SULT1B1: variants seen among roughly 807,000 people sequenced by gnomAD.
The protein encoded by SULT1B1 is sulfotransferase family 1B member 1.
In SULT1B1, 28 loss-of-function variants were observed where a neutral mutation model predicts 34.6. The observed-to-expected ratio is 0.81, with a 90% CI of 0.60 to 1.11. The LOEUF is 1.11. SULT1B1 is among the 50% of genes least tolerant of loss of function. SULT1B1 has a pLI of 0.00. For missense variants in SULT1B1, 374 were observed against 352.2 expected, an observed-to-expected ratio of 1.06 and a Z score of -0.50; for synonymous variants, 147 against 110.2, an observed-to-expected ratio of 1.33 and a Z score of -2.09.
At position 69,754,709 on chromosome 4, in the gene SULT1B1, G is replaced by A; in HGVS notation, c.238C>T (p.Pro80Ser). The A allele has an allele frequency of 6.2e-7, 1 of 1,613,148 alleles. No homozygotes were observed. The highest frequency in any genetic ancestry group is 8.5e-7 in the Non-Finnish European group (1 of 1,179,508). Residue 80 changes from proline (P) to serine (S), a missense_variant, in exon 3 of 8, where the codon CCA (proline) becomes TCA (serine). Physicochemically the swap from Pro to Ser is moderately conservative, Grantham distance 74. Transcript: ENST00000310613. ...CKRGFITEKV[P>S]MLEMTLPGLR... Reference sequence around the variant, plus strand: ...CCAGGGAGAGTCATTTCCAACATTGGAACTTTTTCAGTAATAAAACCTCGC... The same window carrying A: ...CCAGGGAGAGTCATTTCCAACATTGAAACTTTTTCAGTAATAAAACCTCGC...
chr4:69,726,916 T>A lies in SULT1B1; in HGVS notation c.*172A>T. The A allele has an allele frequency of 2.1e-6, 1 of 477,504 alleles. No homozygotes were observed. Among genetic ancestry groups the A allele is most frequent in the Non-Finnish European group, 3.6e-6 (1 of 280,180 alleles). 29.6% of individuals were successfully genotyped at this position (477,504 alleles called of 1,614,324 possible). A position where few individuals can be genotyped will look rare whatever the true frequency, so the allele number is the denominator to read the frequency against. Reference sequence around the variant, plus strand: ...CCTTAGAGAATTTGGAAACTCAGAATCAAAGGAACAAAACTGGGATCTGAT... The same window carrying A: ...CCTTAGAGAATTTGGAAACTCAGAAACAAAGGAACAAAACTGGGATCTGAT... On this transcript the variant is annotated 3_prime_UTR_variant, in exon 8 of 8. Coordinates refer to ENST00000310613, the MANE Select transcript of SULT1B1 (RefSeq NM_014465.4).
intron 4 of SULT1B1, 56 bp from the exon 5 acceptor site, chr4:69,734,320 G>A: frequency 1.3e-6 from 2 of 1,566,434 alleles, no homozygotes; most frequent in Non-Finnish European, 1.7e-6. Context: ...ATTTTGTTTA[G>A]GAAAAAATTA....
Position 69,727,060 on chromosome 4 carries a change from A to G in SULT1B1, c.*28T>C. ...TTCAATCAACTACAGACAATCTCTT[A>G]TTTCTTCAGATGTGTGATTTAGACA... On this transcript the variant is annotated 3_prime_UTR_variant, in exon 8 of 8. Transcript: ENST00000310613. The G allele has an allele frequency of 6.5e-7, 1 of 1,539,974 alleles. No homozygotes were observed. Among genetic ancestry groups the G allele is most frequent in the Non-Finnish European group, 8.8e-7 (1 of 1,130,526 alleles).
chr4:69,757,900 C>G (rs550486157), intron 1 of SULT1B1, among the ~76,000 whole-genome samples: 1 of 152,146 alleles, frequency 6.6e-6, no homozygotes, highest in Non-Finnish European at 1.5e-5. Context: ...AATGGAGAAG[C>G]AGTCTCAAAA....
At chr4:69,755,042 C>A in intron 2 of SULT1B1, 28 bp downstream of exon 2, 3 of 1,580,898 alleles carry the variant, frequency 1.9e-6, no homozygotes, top group African/African-American at 1.3e-5. Context: ...TGAGGTCGGA[C>A]TTGAATTTGT....
rs1719144994 is a variant in SULT1B1 at position 69,755,231 on chromosome 4, T to C, written c.-14A>G. On this transcript the variant is annotated 5_prime_UTR_variant, in exon 2 of 8. Coordinates refer to ENST00000310613, the MANE Select transcript of SULT1B1 (RefSeq NM_014465.4). ...TGGGGAAAGCATTTTAATACCAGATTGTACAAATATATAATAGATTGACAG... is the reference window on the plus strand; with the variant it reads ...TGGGGAAAGCATTTTAATACCAGATCGTACAAATATATAATAGATTGACAG... The C allele has an allele frequency of 6.2e-7, 1 of 1,611,202 alleles. No individual in the cohort carries two copies.
chr4:69,759,177 C>T (rs963662023), intron 1 of SULT1B1, among the ~76,000 whole-genome samples: 1 of 152,150 alleles, frequency 6.6e-6, no homozygotes. Flanking sequence ...ATAAGTCTTA[C>T]TTGCATTTTG....
chr4:69,739,076 C>T (rs1159110932), intron 4 of SULT1B1, among the ~76,000 whole-genome samples: 2 of 152,224 alleles, frequency 1.3e-5, no homozygotes, highest in East Asian at 1.9e-4. Flanking sequence ...GGTACAGCCC[C>T]TCTCCTGGCT....
chr4:69,754,374 C>T lies in SULT1B1; in HGVS notation c.277+296G>A, dbSNP rs1719105102. Among the ~76,000 whole-genome samples the T allele has an allele frequency of 2.6e-5, 4 of 152,080 alleles. No individual in the cohort carries two copies. In the South Asian group the frequency reaches 8.3e-4, roughly 32 times the overall value. On this transcript the variant is annotated intron_variant, in intron 3 of 7. Coordinates refer to ENST00000310613, the MANE Select transcript of SULT1B1 (RefSeq NM_014465.4). ...TTACAACAAAGTCCTAAATTAGGAA[C>T]TTACTAATCTAATCAGACAAATTCT...
chr4:69,726,830 G>C lies in SULT1B1; in HGVS notation c.*258C>G, dbSNP rs139975703. 1.5e-5 allele frequency: 5 copies of C among 324,292 alleles called. No homozygotes were observed. Among genetic ancestry groups the C allele is most frequent in the African/African-American group, 1.1e-4 (5 of 46,216 alleles). 20.1% of individuals were successfully genotyped at this position (324,292 alleles called of 1,614,324 possible). A position where few individuals can be genotyped will look rare whatever the true frequency, so the allele number is the denominator to read the frequency against. On this transcript the variant is annotated 3_prime_UTR_variant, in exon 8 of 8. Transcript: ENST00000310613. ...TCTTATCAGTACTAGTGTAGAAAAA[G>C]GCAGGAAGAGCCTGTGGTTACATTG...
intron 4 of SULT1B1, among the ~76,000 whole-genome samples, chr4:69,737,617 A>G (rs1005030217): frequency 6.6e-6 from 1 of 152,200 alleles, no homozygotes; most frequent in Non-Finnish European, 1.5e-5. Flanking sequence ...CACTTCACTT[A>G]AAGTGAGAAA....
intron 4 of SULT1B1, among the ~76,000 whole-genome samples, chr4:69,744,021 C>G (rs1296324625): frequency 6.6e-6 from 1 of 152,066 alleles, no homozygotes; most frequent in Non-Finnish European, 1.5e-5. Flanking sequence ...ATTACTTGCG[C>G]TGCTGTAACT....
chr4:69,746,477 C>A (rs182836486), intron 4 of SULT1B1, among the ~76,000 whole-genome samples: 24 of 152,274 alleles, frequency 1.6e-4, no homozygotes, highest in Admixed American at 6.5e-4. Context: ...ATTCTTTTCT[C>A]AGCTTGGTCT....
chr4:69,746,450 A>G lies in SULT1B1; in HGVS notation c.375+3271T>C, dbSNP rs192053621. 7.9e-5 allele frequency among the ~76,000 whole-genome samples: 12 copies of G among 152,254 alleles called. No homozygotes were observed. In the East Asian group the frequency reaches 2.3e-3, roughly 29 times the overall value. ...TCTGCCTGTGTTGATTCAAAGGAAC[A>G]GTCTTCCATCTCTGATATTCTTTTC... is the stretch of plus-strand genomic sequence containing the variant. On this transcript the variant is annotated intron_variant, in intron 4 of 7. Coordinates refer to ENST00000310613, the MANE Select transcript of SULT1B1 (RefSeq NM_014465.4).
rs969617870 is a variant in SULT1B1 at position 69,723,313 on chromosome 4, A to G, written c.*3775T>C. 1.3e-5 allele frequency: 2 copies of G among 152,226 alleles called. No homozygotes were observed. The highest frequency in any genetic ancestry group is 6.5e-5 in the Admixed American group (1 of 15,282). The allele number at this position is 152,226 out of a possible 1,614,324, so 9.4% of individuals were successfully genotyped here. ...ATTCCTCGACACATACACCCTCCCAAGAATAAACCAGGAAGAAGTTGAATC... is the reference window on the plus strand; with the variant it reads ...ATTCCTCGACACATACACCCTCCCAGGAATAAACCAGGAAGAAGTTGAATC... On this transcript the variant is annotated 3_prime_UTR_variant, in exon 8 of 8. Coordinates refer to ENST00000310613, the MANE Select transcript of SULT1B1 (RefSeq NM_014465.4).
At chr4:69,738,863 A>G (rs1441253634) in intron 4 of SULT1B1, among the ~76,000 whole-genome samples, 1 of 152,196 alleles carries the variant, frequency 6.6e-6, no homozygotes, top group African/African-American at 2.4e-5. Context: ...GGCATTGGGT[A>G]TAGACACCCA....
In SULT1B1 at chr4:69,723,469, C is replaced by T. The variant is rs1717715927; in HGVS notation, c.*3619G>A. On this transcript the variant is annotated 3_prime_UTR_variant, in exon 8 of 8. Transcript: ENST00000310613. ...GTCCAAGGAGGAGCTGGTACCATTC[C>T]TTCTGAAACTATTCCAATGAACAGA... 1 of 152,316 alleles carries T rather than the reference C, an allele frequency of 6.6e-6. No individual in the cohort carries two copies. Among genetic ancestry groups the T allele is most frequent in the South Asian group, 2.1e-4 (1 of 4,834 alleles). 9.4% of individuals were successfully genotyped at this position (152,316 alleles called of 1,614,324 possible).
At chr4:69,758,400 A>G (rs1346617629) in intron 1 of SULT1B1, 2 of 984,982 alleles carry the variant, frequency 2.0e-6, no homozygotes, top group African/African-American at 1.7e-5. Flanking sequence ...TTCAGATGTT[A>G]GACTTGATTT....
intron 1 of SULT1B1, chr4:69,758,288 G>T (rs1349810418): frequency 2.0e-6 from 2 of 984,560 alleles, no homozygotes; most frequent in Non-Finnish European, 2.4e-6. Context: ...TGAATGATGA[G>T]ATTTCCACTT....
Sources: gnomAD v4.1 joint callset for allele counts (sites outside exome capture counted in the v4.1 genomes callset) on GRCh38, gnomAD v4.1.1 for gene constraint, MANE v1.5 for transcripts, NCBI Gene and HGNC (gene_info 2026-07-23, HGNC 2026-07-21) for gene names.